Variants in ERMARD observed in about 807,000 individuals in gnomAD.
The protein encoded by ERMARD is endoplasmic reticulum membrane-associated RNA degradation protein.
Under a neutral mutation model 83.9 loss-of-function variants are expected in ERMARD, and 71 were observed. The observed-to-expected ratio is 0.85, with a 90% CI of 0.70 to 1.03. ERMARD has a LOEUF of 1.03. ERMARD is among the 50% of genes least tolerant of loss of function. ERMARD has a pLI of 0.00. For missense variants in ERMARD, 838 were observed against 810.9 expected, an observed-to-expected ratio of 1.03 and a Z score of -0.41; for synonymous variants, 284 against 298.6, an observed-to-expected ratio of 0.95 and a Z score of 0.50.
intron 10 of ERMARD, chr6:169,767,411 T>C (rs1461367033): frequency 1.3e-5 from 2 of 152,498 alleles, no homozygotes; most frequent in Admixed American, 6.5e-5. Flanking sequence ...GTTGGGGTGG[T>C]TGGGCAAAGT....
intron 6 of ERMARD, 50 bp downstream of exon 6, chr6:169,759,115 G>A (rs1791201312): frequency 4.8e-6 from 7 of 1,472,428 alleles, no homozygotes; most frequent in African/African-American, 1.4e-5. Context: ...CTACCAAAGA[G>A]TTTTTTAAAT....
At chr6:169,753,806 A>G (rs1790458735) in intron 1 of ERMARD, 58 bp from the exon 2 acceptor site, 6 of 1,344,426 alleles carry the variant, frequency 4.5e-6, no homozygotes, top group African/African-American at 2.9e-5. Flanking sequence ...TCTGAAATAT[A>G]TAATACTCTA....
intron 9 of ERMARD, among the ~76,000 whole-genome samples, chr6:169,766,037 G>C (rs58753597): frequency 4.2e-4 from 63 of 151,274 alleles, no homozygotes; most frequent in African/African-American, 1.4e-3. Flanking sequence ...TCGTCATGCT[G>C]TCTGTCAAAT....
chr6:169,760,810 C>G (rs979641916), intron 8 of ERMARD, 54 bp downstream of exon 8: 86 of 1,201,206 alleles, frequency 7.2e-5, no homozygotes, highest in Non-Finnish European at 9.7e-5. Context: ...GCCATTCTTT[C>G]TTGATGCCCT....
chr6:169,769,012 A>C (rs1792564110), intron 11 of ERMARD, among the ~76,000 whole-genome samples: 1 of 152,258 alleles, frequency 6.6e-6, no homozygotes, highest in African/African-American at 2.4e-5. Flanking sequence ...TCAAAAAATA[A>C]GATGATTGAA....
At chr6:169,771,077 C>CTTTTTTTTTTTTTTTTTTTTTTT (rs60995171) in intron 12 of ERMARD, 1 of 141,260 alleles carries the variant, frequency 7.1e-6, no homozygotes, top group Non-Finnish European at 1.5e-5. Flanking sequence ...TCTTTTCTTT[C>CTTTTTTTTTTTTTTTTTTTTTTT]TTTTTTTTTT....
rs544462285 is a variant in ERMARD, at chr6:169,772,852, C to T, written c.1234-467C>T. Among the ~76,000 whole-genome samples the T allele has an allele frequency of 2.0e-5, 3 of 150,534 alleles. No homozygotes were observed. The East Asian group carries it at 5.9e-4, about 29-fold the overall frequency. ...CTATCAATTCACTGACTTTGTTTCT[C>T]ATAGGTTTTAGTTGGCTGACTTGGA... On this transcript the variant is annotated intron_variant, in intron 12 of 17. Coordinates refer to ENST00000366773, the MANE Select transcript of ERMARD (RefSeq NM_018341.3).
chr6:169,763,680 A>G lies in ERMARD; in HGVS notation c.960+1149A>G, dbSNP rs191947956. On this transcript the variant is annotated intron_variant, in intron 9 of 17. Coordinates refer to ENST00000366773, the MANE Select transcript of ERMARD (RefSeq NM_018341.3). ...GGCATTCCTCAATGCTCTGCCGTCAACCCCATCCTCTGTTTCCTCTCCCTG... is the reference window on the plus strand; with the variant it reads ...GGCATTCCTCAATGCTCTGCCGTCAGCCCCATCCTCTGTTTCCTCTCCCTG... Among the ~76,000 whole-genome samples, 659 of 152,160 alleles carry G rather than the reference A, an allele frequency of 4.3e-3. 6 individuals carry two copies. The highest frequency in any genetic ancestry group is 0.015 in the African/African-American group (630 of 41,506).
At chr6:169,758,856 A>G in intron 5 of ERMARD, 112 bp from the exon 6 acceptor site, 1 of 926,056 alleles carries the variant, frequency 1.1e-6, no homozygotes, top group African/African-American at 1.7e-5. Flanking sequence ...GCTATATACT[A>G]GCCAAAACTG....
chr6:169,761,673 G>GGTTTGGTTTT (rs1554419531), intron 8 of ERMARD, among the ~76,000 whole-genome samples: 3 of 151,306 alleles, frequency 2.0e-5, no homozygotes, highest in Non-Finnish European at 4.4e-5. Context: ...ATGTGTAAGT[G>GGTTTGGTTTT]GTTTTGTTTT....
chr6:169,767,780 C>CACACACAG (rs1185340700), intron 10 of ERMARD: 2 of 351,632 alleles, frequency 5.7e-6, no homozygotes, highest in South Asian at 3.3e-5. Flanking sequence ...CACACACACA[C>CACACACAG]AGGCACAGTT....
rs556841417 is a variant in ERMARD at position 169,775,175 on chromosome 6, G to A, written c.1318-95G>A. 1.0e-3 allele frequency: 1,293 copies of A among 1,231,818 alleles called. 23 individuals are homozygous for A. In the South Asian group the frequency reaches 0.017, roughly 16 times the overall value. The allele number at this position is 1,231,818 out of a possible 1,614,324, so 76.3% of individuals were successfully genotyped here. A position where few individuals can be genotyped will look rare whatever the true frequency, so the allele number is the denominator to read the frequency against. Reference sequence around the variant, plus strand: ...ATGTTTAGAATTTGTAATAATTTACGTATTTTCTAGAGAGTGATGTAACAT... The same window carrying A: ...ATGTTTAGAATTTGTAATAATTTACATATTTTCTAGAGAGTGATGTAACAT... On this transcript the variant is annotated intron_variant, in intron 13 of 17. Coordinates refer to ENST00000366773, the MANE Select transcript of ERMARD (RefSeq NM_018341.3).
At chr6:169,766,472 T>C (rs1340004283) in intron 9 of ERMARD, among the ~76,000 whole-genome samples, 166 bp from the exon 10 acceptor site, 3 of 152,186 alleles carry the variant, frequency 2.0e-5, no homozygotes, top group Non-Finnish European at 4.4e-5. Context: ...AATGTGTTTA[T>C]TTTGTCAGTG....
rs1467691828 is a variant in ERMARD at position 169,781,564 on chromosome 6, A to T, written c.*51A>T. 1 of 1,513,686 alleles carries T rather than the reference A, an allele frequency of 6.6e-7. No homozygotes were observed. 93.8% of individuals were successfully genotyped at this position (1,513,686 alleles called of 1,614,324 possible). On this transcript the variant is annotated 3_prime_UTR_variant, in exon 18 of 18. Coordinates refer to ENST00000366773, the MANE Select transcript of ERMARD (RefSeq NM_018341.3). The stretch of plus-strand genomic sequence containing the variant: ...ATTTTAACAGATTTTAACAGCGTGT[A>T]AATTAAAAACCCAAAGACAGGGTGG...
chr6:169,760,125 A>G (rs1791351204), intron 7 of ERMARD, 151 bp downstream of exon 7: 3 of 1,405,992 alleles, frequency 2.1e-6, no homozygotes, highest in South Asian at 1.5e-5. Flanking sequence ...AGAACCTCCT[A>G]CATTTTACCA....
At chr6:169,772,770 C>CA (rs60417475) in intron 12 of ERMARD, among the ~76,000 whole-genome samples, 2,469 of 99,402 alleles carry the variant, frequency 0.025, 57 homozygotes, top group African/African-American at 0.062. Flanking sequence ...GACTCTGTCT[C>CA]AAAAAAAAAA....
chr6:169,765,850 A>G (rs112623397), intron 9 of ERMARD, among the ~76,000 whole-genome samples: 2,628 of 152,138 alleles, frequency 0.017, 78 homozygotes, highest in African/African-American at 0.059. Context: ...CGTGCAGCCA[A>G]TCCTCATGCT....
chr6:169,764,694 G>A (rs1438690831), intron 9 of ERMARD, among the ~76,000 whole-genome samples: 1 of 152,154 alleles, frequency 6.6e-6, no homozygotes, highest in Non-Finnish European at 1.5e-5. Flanking sequence ...GTGGCAGCAA[G>A]GCCTCGGGTT....
rs574454806 is a variant in ERMARD, at chr6:169,758,829, T to G, written c.508-139T>G. On this transcript the variant is annotated intron_variant, in intron 5 of 17. Coordinates refer to ENST00000366773, the MANE Select transcript of ERMARD (RefSeq NM_018341.3). ...GCACATATTAAACACTCAGTAAATG[T>G]TGGTTTTATTATTACTGCTATATAC... The G allele has an allele frequency of 2.6e-5, 17 of 644,060 alleles. No homozygotes were observed. In the South Asian group the frequency reaches 3.8e-4, roughly 14 times the overall value. 39.9% of individuals were successfully genotyped at this position (644,060 alleles called of 1,614,324 possible).
Sources: allele counts gnomAD v4.1 joint callset (sites outside exome capture counted in the v4.1 genomes callset), GRCh38; gene constraint gnomAD v4.1.1; transcripts MANE v1.5; gene names NCBI Gene and HGNC (gene_info 2026-07-23, HGNC 2026-07-21).